Variants in SCYL3 observed in about 807,000 individuals in gnomAD.
SCYL3 encodes the protein protein-associating with the carboxyl-terminal domain of ezrin.
In SCYL3, 35 loss-of-function variants were observed where a neutral mutation model predicts 73.8. That is an observed-to-expected ratio of 0.47 (90% CI 0.36 to 0.63). The LOEUF (loss-of-function observed/expected upper bound fraction) is 0.63, where lower values mean the gene tolerates loss of function less well. Among genes scored for constraint, SCYL3 ranks in the 20% least tolerant of loss-of-function variants. The pLI, the probability that SCYL3 is intolerant of heterozygous loss-of-function variation, is 0.00. For synonymous variants in SCYL3, 277 were observed against 295.2 expected (o/e 0.94, Z 0.63); for missense variants, 712 against 798.9 (o/e 0.89, Z 1.31).
In SCYL3 at chr1:169,849,797, G is replaced by C; in HGVS notation, c.*3916C>G. On this transcript the variant is annotated 3_prime_UTR_variant, in exon 13 of 13. Transcript: ENST00000367771. ...TAGATAAATGAAGTGAATTTCGTAA[G>C]GTCCTCTGAATAAACAAGGACCAGA... 1 of 572,308 alleles carries C rather than the reference G, an allele frequency of 1.7e-6. No homozygotes were observed. The highest frequency in any genetic ancestry group is 3.1e-6 in the Non-Finnish European group (1 of 321,984). 35.5% of individuals were successfully genotyped at this position (572,308 alleles called of 1,614,324 possible). A position where few individuals can be genotyped will look rare whatever the true frequency, so the allele number is the denominator to read the frequency against.
In SCYL3 at chr1:169,851,992, T is replaced by A. The variant is rs1558105174; in HGVS notation, c.*1721A>T. 1.2e-6 allele frequency: 2 copies of A among 1,612,434 alleles called. No individual in the cohort carries two copies. Among genetic ancestry groups the A allele is most frequent in the Non-Finnish European group, 1.7e-6 (2 of 1,179,220 alleles). On this transcript the variant is annotated 3_prime_UTR_variant, in exon 13 of 13. Transcript: ENST00000367771. ...TTAACAAGGCAAATTCTGCCCTTTT[T>A]ACTTACTGACGAAACAAACCAGTGT...
At position 169,850,639 on chromosome 1, in the gene SCYL3, T is replaced by TA; in HGVS notation, c.*3073dup. On this transcript the variant is annotated 3_prime_UTR_variant, in exon 13 of 13. Coordinates refer to ENST00000367771, the MANE Select transcript of SCYL3 (RefSeq NM_020423.7). ...GGGGAAACCCTGTTTCTACTAAAAA[T>TA]ACAAAAATTAGCCGGGCATGGTGGT... 1 of 222,560 alleles carries TA rather than the reference T, an allele frequency of 4.5e-6. No individual in the cohort carries two copies. 13.8% of individuals were successfully genotyped at this position (222,560 alleles called of 1,614,324 possible). A position where few individuals can be genotyped will look rare whatever the true frequency, so the allele number is the denominator to read the frequency against.
intron 2 of SCYL3, among the ~76,000 whole-genome samples, chr1:169,881,902 G>A (rs187056235): frequency 3.9e-5 from 6 of 152,302 alleles, no homozygotes; most frequent in Admixed American, 2.0e-4. Flanking sequence ...TCACAATAGG[G>A]TTCCTGCTCC....
chr1:169,884,943 T>C (rs567487172), intron 2 of SCYL3, among the ~76,000 whole-genome samples: 1 of 152,370 alleles, frequency 6.6e-6, no homozygotes, highest in East Asian at 1.9e-4. Flanking sequence ...AGGACATTTT[T>C]TGATTCAAGC....
intron 8 of SCYL3, among the ~76,000 whole-genome samples, chr1:169,864,741 CTT>C (rs1398728148): frequency 6.6e-6 from 1 of 152,122 alleles, no homozygotes; most frequent in African/African-American, 2.4e-5. Context: ...GGGCAGATCA[CTT>C]GAGGTCAGGA....
At position 169,850,385 on chromosome 1, in the gene SCYL3, ATT is replaced by A. The variant is rs367924670; in HGVS notation, c.*3326_*3327del. ...TGGCTCATGTTTTATTCTTTGTCCT[ATT>A]TTTTTTTTTCCGAAATTATGTAACT... On this transcript the variant is annotated 3_prime_UTR_variant, in exon 13 of 13. Coordinates refer to ENST00000367771, the MANE Select transcript of SCYL3 (RefSeq NM_020423.7). 43 of 1,128,994 alleles carry A rather than the reference ATT, an allele frequency of 3.8e-5. No homozygotes were observed. The highest frequency in any genetic ancestry group is 6.5e-5 in the African/African-American group (4 of 61,520). 69.9% of individuals were successfully genotyped at this position (1,128,994 alleles called of 1,614,324 possible).
intron 4 of SCYL3, among the ~76,000 whole-genome samples, chr1:169,874,619 C>T (rs1407865024): frequency 6.6e-6 from 1 of 152,090 alleles, no homozygotes; most frequent in African/African-American, 2.4e-5. Context: ...TGTAACCAGA[C>T]TATAGCTCAA....
chr1:169,891,995 A>T (rs1190785023), intron 1 of SCYL3, among the ~76,000 whole-genome samples: 1 of 152,154 alleles, frequency 6.6e-6, no homozygotes, highest in Non-Finnish European at 1.5e-5. Context: ...AAAAGGGATG[A>T]CTCAATTTCT....
At position 169,853,094 on chromosome 1, in the gene SCYL3, TGAAAATAATCTTTA is replaced by T; in HGVS notation, c.*605_*618del. 9.8e-7 allele frequency: 1 copy of T among 1,024,988 alleles called. No homozygotes were observed. Among genetic ancestry groups the T allele is most frequent in the Admixed American group, 2.4e-5 (1 of 42,020 alleles). 63.5% of individuals were successfully genotyped at this position (1,024,988 alleles called of 1,614,324 possible). ...ACAAATTTTGTAAAGTTGAATCTAG[TGAAAATAATCTTTA>T]TTTGACATTTAGAGAACAGGATTGT... On this transcript the variant is annotated 3_prime_UTR_variant, in exon 13 of 13. Coordinates refer to ENST00000367771, the MANE Select transcript of SCYL3 (RefSeq NM_020423.7).
chr1:169,859,518 C>T lies in SCYL3; in HGVS notation c.1141-306G>A, dbSNP rs145134134. Among the ~76,000 whole-genome samples the T allele has an allele frequency of 4.1e-3, 623 of 152,308 alleles. 5 individuals carry two copies. The highest frequency in any genetic ancestry group is 0.013 in the African/African-American group (553 of 41,562). ...GGTTTTAAATGTTAAGTCTTCATAT[C>T]TGTACTCACATCACAGAACTGTAAT... is the stretch of plus-strand genomic sequence containing the variant. On this transcript the variant is annotated intron_variant, in intron 10 of 12. Transcript: ENST00000367771.
chr1:169,883,617 T>C (rs902139741), intron 2 of SCYL3, among the ~76,000 whole-genome samples: 1 of 152,090 alleles, frequency 6.6e-6, no homozygotes, highest in African/African-American at 2.4e-5. Context: ...TACCCTGCAT[T>C]GGTATAATTT....
rs1187775853 is a variant in SCYL3, at chr1:169,851,961, C to T, written c.*1752G>A. 1.2e-6 allele frequency: 2 copies of T among 1,613,660 alleles called. No homozygotes were observed. Among genetic ancestry groups the T allele is most frequent in the Non-Finnish European group, 1.7e-6 (2 of 1,179,854 alleles). On this transcript the variant is annotated 3_prime_UTR_variant, in exon 13 of 13. Coordinates refer to ENST00000367771, the MANE Select transcript of SCYL3 (RefSeq NM_020423.7). ...GGTATGGGCTGATTTCAATAGGGGC[C>T]AAACTTTAACAAGGCAAATTCTGCC...
chr1:169,854,906 A>G lies in SCYL3; in HGVS notation c.1371T>C (p.Asn457=). ...FPINGLSDVK[N]TSEDSENFPS... Reference sequence around the variant, plus strand: ...GGAAGTTTTCACTGTCCTCCGAAGTATTTTTTACATCTGAGAGTCCATTTA... The same window carrying G: ...GGAAGTTTTCACTGTCCTCCGAAGTGTTTTTTACATCTGAGAGTCCATTTA... Residue 457 remains asparagine, a synonymous_variant, in exon 12 of 13, where the codon AAT becomes AAC. Transcript: ENST00000367771. 6.2e-7 allele frequency: 1 copy of G among 1,613,452 alleles called. No homozygotes were observed. The highest frequency in any genetic ancestry group is 1.7e-4 in the Middle Eastern group (1 of 6,060).
intron 2 of SCYL3, among the ~76,000 whole-genome samples, chr1:169,883,741 CAG>C (rs1661475466): frequency 8.2e-6 from 1 of 121,880 alleles, no homozygotes; most frequent in Non-Finnish European, 1.6e-5. Flanking sequence ...TTTTTTGAGA[CAG>C]AGTCTCGCTA....
Position 169,893,830 on chromosome 1 carries a change from TG to T in SCYL3, c.-94del. 6.5e-6 allele frequency: 1 copy of T among 153,668 alleles called. No individual in the cohort carries two copies. Among genetic ancestry groups the T allele is most frequent in the Non-Finnish European group, 1.4e-5 (1 of 69,162 alleles). The allele number at this position is 153,668 out of a possible 1,614,324, so 9.5% of individuals were successfully genotyped here. ...GGGAGGAGGCCGAGGGTCTTGGCTC[TG>T]GTACCCTGTTGGCCCCCCTGTTGAC... On this transcript the variant is annotated 5_prime_UTR_variant, in exon 1 of 13. Coordinates refer to ENST00000367771, the MANE Select transcript of SCYL3 (RefSeq NM_020423.7).
At chr1:169,892,025 G>C (rs116802375) in intron 1 of SCYL3, among the ~76,000 whole-genome samples, 1,600 of 152,286 alleles carry the variant, frequency 0.011, 26 homozygotes, top group African/African-American at 0.036. Context: ...TGGAAAGGAT[G>C]CCATTTTCTT....
rs183285437 is a variant in SCYL3 at position 169,876,086 on chromosome 1, G to A, written c.357C>T (p.His119=). The A allele has an allele frequency of 9.4e-5, 148 of 1,568,012 alleles. No individual in the cohort carries two copies. Among genetic ancestry groups the A allele is most frequent in the Admixed American group, 8.2e-4 (43 of 52,420 alleles). ...LALIFLHDRG[H]LTHNNVCLSS... Reference sequence around the variant, plus strand: ...ATAAACAGACATTATTGTGTGTTAGGTGTCCCTGGAAAAAAAAAAGAACAG... The same window carrying A: ...ATAAACAGACATTATTGTGTGTTAGATGTCCCTGGAAAAAAAAAAGAACAG... Residue 119 remains histidine (H), a synonymous_variant, in exon 4 of 13, where the codon CAC becomes CAT. Coordinates refer to ENST00000367771, the MANE Select transcript of SCYL3 (RefSeq NM_020423.7).
chr1:169,871,558 T>G, intron 5 of SCYL3, among the ~76,000 whole-genome samples: 1 of 152,288 alleles, frequency 6.6e-6, no homozygotes, highest in East Asian at 1.9e-4. Context: ...GCTGAAAAGA[T>G]ACCTGAAAAT....
At chr1:169,888,911 A>G in intron 1 of SCYL3, 21 bp from the exon 2 acceptor site, 3 of 1,368,608 alleles carry the variant, frequency 2.2e-6, no homozygotes, top group Non-Finnish European at 2.9e-6. Flanking sequence ...ACAGAAAACA[A>G]TTTCAAACAT....
Sources: gnomAD v4.1 joint callset for allele counts (sites outside exome capture counted in the v4.1 genomes callset) on GRCh38, gnomAD v4.1.1 for gene constraint, MANE v1.5 for transcripts, NCBI Gene and HGNC (gene_info 2026-07-23, HGNC 2026-07-21) for gene names.